The following RASAL2 variants were observed in gnomAD, a reference collection of about 807,000 sequenced individuals.
The protein encoded by RASAL2 is ras GTPase-activating protein nGAP.
In RASAL2, 58 loss-of-function variants were observed where a neutral mutation model predicts 128.9. That is an observed-to-expected ratio of 0.45 (90% CI 0.36 to 0.56). The LOEUF (loss-of-function observed/expected upper bound fraction) is 0.56. RASAL2 is among the 20% of genes least tolerant of loss of function. The pLI, the probability that RASAL2 is intolerant of heterozygous loss-of-function variation, is 0.00. For synonymous variants in RASAL2, 561 were observed against 580.8 expected (o/e 0.97, Z 0.49); for missense variants, 1,360 against 1,601.6 (o/e 0.85, Z 2.57).
chr1:178,343,102 AC>A (rs1373301205), intron 3 of RASAL2, among the ~76,000 whole-genome samples: 3 of 152,204 alleles, frequency 2.0e-5, no homozygotes, highest in Non-Finnish European at 4.4e-5. Context: ...ACTCCTGGGA[AC>A]AAGTTAGCTT....
At chr1:178,196,325 AGT>A (rs1375565332) in intron 1 of RASAL2, among the ~76,000 whole-genome samples, 2 of 152,204 alleles carry the variant, frequency 1.3e-5, no homozygotes, top group African/African-American at 4.8e-5. Context: ...CAAGGTACAA[AGT>A]GAGAAGATAT....
chr1:178,373,356 G>A (rs781349526), intron 3 of RASAL2, among the ~76,000 whole-genome samples: 7 of 130,300 alleles, frequency 5.4e-5, no homozygotes, highest in Non-Finnish European at 1.1e-4. Context: ...ATACTAACCC[G>A]ACTCTTAATT....
intron 17 of RASAL2, among the ~76,000 whole-genome samples, chr1:178,468,026 C>T (rs749280293): frequency 2.6e-5 from 4 of 152,170 alleles, no homozygotes; most frequent in African/African-American, 7.2e-5. Context: ...GAAATCAGAA[C>T]CTAGGCTTCT....
intron 1 of RASAL2, among the ~76,000 whole-genome samples, chr1:178,159,468 TGATGCCCTA>T (rs1661195334): frequency 6.6e-6 from 1 of 152,226 alleles, no homozygotes; most frequent in South Asian, 2.1e-4. Context: ...TAGCAGTTTC[TGATGCCCTA>T]GAAAATAAAA....
chr1:178,098,280 G>A (rs1005991441), intron 1 of RASAL2, among the ~76,000 whole-genome samples: 2 of 152,164 alleles, frequency 1.3e-5, no homozygotes, highest in African/African-American at 2.4e-5. Flanking sequence ...ATCTCAACCT[G>A]ACTGACTGTA....
chr1:178,425,478 T>TA (rs1298321267), intron 5 of RASAL2, among the ~76,000 whole-genome samples: 9 of 152,282 alleles, frequency 5.9e-5, no homozygotes, highest in African/African-American at 2.2e-4. Context: ...CAGATGTAGT[T>TA]ACCTACAAAA....
intron 1 of RASAL2, among the ~76,000 whole-genome samples, chr1:178,216,516 G>A (rs12040475): frequency 0.08 from 12,141 of 152,276 alleles, 549 homozygotes; most frequent in Middle Eastern, 0.14. Context: ...ATTTTATCTA[G>A]TTTAACCAAC....
intron 1 of RASAL2, among the ~76,000 whole-genome samples, chr1:178,116,649 G>A (rs888340072): frequency 7.9e-5 from 12 of 151,452 alleles, no homozygotes; most frequent in South Asian, 2.1e-4. Flanking sequence ...TTGCTCTGTC[G>A]CCCAGGCTTG....
chr1:178,331,549 T>C (rs1256051783), intron 3 of RASAL2, among the ~76,000 whole-genome samples: 1 of 150,176 alleles, frequency 6.7e-6, no homozygotes, highest in Non-Finnish European at 1.5e-5. Context: ...ATGAGTGAAA[T>C]AATCATGTTT....
chr1:178,244,455 C>A (rs1401146688), intron 1 of RASAL2, among the ~76,000 whole-genome samples: 2 of 152,120 alleles, frequency 1.3e-5, no homozygotes, highest in Non-Finnish European at 2.9e-5. Flanking sequence ...ATTGGTCAGG[C>A]TGGTCTTGAA....
chr1:178,146,620 A>G (rs1660738770), intron 1 of RASAL2, among the ~76,000 whole-genome samples: 3 of 152,200 alleles, frequency 2.0e-5, no homozygotes, highest in Admixed American at 2.0e-4. Flanking sequence ...GGAAATGTTT[A>G]TGCAGCTTTT....
At chr1:178,280,349 C>G (rs1370127566) in intron 1 of RASAL2, among the ~76,000 whole-genome samples, 2 of 151,678 alleles carry the variant, frequency 1.3e-5, no homozygotes, top group Non-Finnish European at 2.9e-5. Context: ...AAGAGTCGCT[C>G]TTTTAATTTT....
intron 1 of RASAL2, among the ~76,000 whole-genome samples, chr1:178,096,628 A>G (rs773484117): frequency 1.3e-5 from 2 of 151,974 alleles, no homozygotes; most frequent in Non-Finnish European, 2.9e-5. Flanking sequence ...TCAAGACTTC[A>G]TATCAGACAT....
chr1:178,256,335 A>G (rs1665342537), intron 1 of RASAL2, among the ~76,000 whole-genome samples: 1 of 152,208 alleles, frequency 6.6e-6, no homozygotes, highest in Non-Finnish European at 1.5e-5. Flanking sequence ...CAACAAGTAA[A>G]TGGGAACTTT....
chr1:178,205,145 T>C (rs1662996114), intron 1 of RASAL2, among the ~76,000 whole-genome samples: 1 of 152,102 alleles, frequency 6.6e-6, no homozygotes, highest in Non-Finnish European at 1.5e-5. Context: ...TCTGGGATTA[T>C]AGGCGTACGC....
intron 1 of RASAL2, among the ~76,000 whole-genome samples, chr1:178,242,455 C>CA (rs1419690819): frequency 1.0e-4 from 13 of 126,450 alleles, no homozygotes; most frequent in Non-Finnish European, 1.3e-4. Flanking sequence ...CTCTCTCTCT[C>CA]TCTCTCTCTC....
chr1:178,452,390 G>C (rs757162877), intron 10 of RASAL2, 26 bp from the exon 11 acceptor site: 12 of 1,591,176 alleles, frequency 7.5e-6, no homozygotes, highest in Non-Finnish European at 1.0e-5. Context: ...GTGTTTAGAG[G>C]TTTTGGTACT....
intron 4 of RASAL2, among the ~76,000 whole-genome samples, chr1:178,408,545 A>G (rs551717158): frequency 1.3e-5 from 2 of 152,048 alleles, no homozygotes; most frequent in South Asian, 2.1e-4. Flanking sequence ...TTGTAAGTCA[A>G]ATGCCACAAT....
intron 4 of RASAL2, chr1:178,412,100 C>T (rs1454972956): frequency 2.2e-5 from 7 of 315,016 alleles, no homozygotes; most frequent in South Asian, 1.8e-4. Context: ...GGGGAGGATA[C>T]TGAGTAATGG....
Sources: allele counts gnomAD v4.1 joint callset (sites outside exome capture counted in the v4.1 genomes callset), GRCh38; gene constraint gnomAD v4.1.1; transcripts MANE v1.5; gene names NCBI Gene and HGNC (gene_info 2026-07-23, HGNC 2026-07-21).